The following ZBTB20 variants were observed in gnomAD, a reference collection of about 807,000 sequenced individuals.
The protein encoded by ZBTB20 is zinc finger and BTB domain-containing protein 20.
A neutral mutation model predicts 56.9 loss-of-function variants in ZBTB20; 9 were observed. The ratio of observed to expected loss-of-function variants is 0.16; its 90% CI spans 0.10 to 0.28. The LOEUF (loss-of-function observed/expected upper bound fraction) is 0.28. Among genes scored for constraint, ZBTB20 ranks in the 10% least tolerant of loss-of-function variants. ZBTB20 has a pLI of 1.00. For missense variants in ZBTB20, 655 were observed against 1,003.0 expected (o/e 0.65, Z 4.69); for synonymous variants, 417 against 420.7 (o/e 0.99, Z 0.11).
At chr3:114,975,388 A>G (rs1576466632) in intron 2 of ZBTB20, among the ~76,000 whole-genome samples, 1 of 152,298 alleles carries the variant, frequency 6.6e-6, no homozygotes, top group East Asian at 1.9e-4. Flanking sequence ...ATACCTAAAC[A>G]TATGCTTGAT....
intron 2 of ZBTB20, among the ~76,000 whole-genome samples, chr3:114,982,634 G>T (rs919413172): frequency 2.6e-5 from 4 of 151,962 alleles, no homozygotes; most frequent in African/African-American, 9.7e-5. Flanking sequence ...AAACAGGCAG[G>T]TACCAGTGAG....
chr3:114,405,883 C>G (rs1262540038), intron 7 of ZBTB20, among the ~76,000 whole-genome samples: 2 of 151,970 alleles, frequency 1.3e-5, no homozygotes, highest in African/African-American at 4.8e-5. Flanking sequence ...TACAAAGGGA[C>G]AACTTTTCAC....
At chr3:114,438,427 A>G (rs1334588830) in intron 7 of ZBTB20, among the ~76,000 whole-genome samples, 1 of 105,008 alleles carries the variant, frequency 9.5e-6, no homozygotes, top group Non-Finnish European at 2.0e-5. Context: ...AAAAAAAAAC[A>G]AAAAAAACCA....
At chr3:115,130,519 T>C (rs1262506891) in intron 1 of ZBTB20, among the ~76,000 whole-genome samples, 4 of 152,230 alleles carry the variant, frequency 2.6e-5, no homozygotes, top group African/African-American at 7.2e-5. Flanking sequence ...GCATGACCAA[T>C]AGAGTCTGAT....
At chr3:114,576,502 A>C (rs13082543) in intron 6 of ZBTB20, among the ~76,000 whole-genome samples, 1 of 30,668 alleles carries the variant, frequency 3.3e-5, no homozygotes, top group African/African-American at 1.5e-4. Context: ...ACTCCGTCTC[A>C]AAAAAAAAAA....
intron 4 of ZBTB20, among the ~76,000 whole-genome samples, chr3:114,851,004 G>T (rs962955906): frequency 6.6e-6 from 1 of 152,090 alleles, no homozygotes; most frequent in African/African-American, 2.4e-5. Context: ...AAAGAACCAA[G>T]CCCAGAAACC....
intron 2 of ZBTB20, among the ~76,000 whole-genome samples, chr3:115,010,613 A>T (rs551642260): frequency 6.6e-6 from 1 of 151,958 alleles, no homozygotes; most frequent in East Asian, 1.9e-4. Context: ...CCTAAAGTAG[A>T]TATTTCTTAG....
At chr3:115,125,051 G>T (rs1409433977) in intron 1 of ZBTB20, among the ~76,000 whole-genome samples, 2 of 151,616 alleles carry the variant, frequency 1.3e-5, no homozygotes, top group Non-Finnish European at 2.9e-5. Context: ...AAAGGAAAAT[G>T]TGATATACAG....
At chr3:114,365,400 G>A (rs2082292920) in intron 10 of ZBTB20, among the ~76,000 whole-genome samples, 1 of 152,192 alleles carries the variant, frequency 6.6e-6, no homozygotes, top group African/African-American at 2.4e-5. Context: ...CTTCCAGCAG[G>A]AGGGCACTAA....
chr3:115,143,463 T>G (rs2084877156), intron 1 of ZBTB20, among the ~76,000 whole-genome samples: 1 of 151,938 alleles, frequency 6.6e-6, no homozygotes, highest in South Asian at 2.1e-4. Context: ...AGCCCAGGAG[T>G]TAAAGTACAG....
chr3:114,661,127 T>C (rs1026081029), intron 6 of ZBTB20, among the ~76,000 whole-genome samples: 1 of 152,068 alleles, frequency 6.6e-6, no homozygotes, highest in Non-Finnish European at 1.5e-5. Context: ...GTACTCAGGG[T>C]CCTAAGAAAA....
intron 3 of ZBTB20, among the ~76,000 whole-genome samples, chr3:114,907,176 T>C (rs1299183554): frequency 6.7e-6 from 1 of 149,790 alleles, no homozygotes; most frequent in Non-Finnish European, 1.5e-5. Context: ...AAGGCAAATG[T>C]GTTCTTGCTC....
chr3:114,543,249 T>A (rs2049327723), intron 6 of ZBTB20, among the ~76,000 whole-genome samples: 1 of 152,078 alleles, frequency 6.6e-6, no homozygotes, highest in African/African-American at 2.4e-5. Flanking sequence ...TTTTTTTTGG[T>A]ATATTGTTAT....
intron 6 of ZBTB20, among the ~76,000 whole-genome samples, chr3:114,614,522 T>C (rs1037817743): frequency 1.3e-5 from 2 of 152,186 alleles, no homozygotes; most frequent in Admixed American, 6.5e-5. Context: ...AGTTACCTTA[T>C]GAAGAATGAA....
intron 7 of ZBTB20, among the ~76,000 whole-genome samples, chr3:114,400,580 T>G (rs1393620039): frequency 6.6e-6 from 1 of 152,174 alleles, no homozygotes; most frequent in Non-Finnish European, 1.5e-5. Flanking sequence ...GGAAAGTTAC[T>G]TGAGTGGGTG....
At chr3:114,720,374 C>T (rs934000725) in intron 5 of ZBTB20, among the ~76,000 whole-genome samples, 3 of 151,716 alleles carry the variant, frequency 2.0e-5, no homozygotes, top group Non-Finnish European at 4.4e-5. Flanking sequence ...CTGACAACCA[C>T]AAAAAGTAAA....
intron 10 of ZBTB20, among the ~76,000 whole-genome samples, chr3:114,364,832 C>T (rs781409118): frequency 3.9e-5 from 6 of 152,186 alleles, no homozygotes; most frequent in Non-Finnish European, 7.3e-5. Context: ...CCCAAAGATA[C>T]ATATCGGCAG....
intron 6 of ZBTB20, among the ~76,000 whole-genome samples, chr3:114,648,377 CTAAG>C (rs1051700341): frequency 1.3e-5 from 2 of 151,782 alleles, no homozygotes; most frequent in African/African-American, 4.8e-5. Flanking sequence ...ATTTAATGAG[CTAAG>C]TGTCACCAGA....
At chr3:114,546,201 G>A (rs2049859111) in intron 6 of ZBTB20, among the ~76,000 whole-genome samples, 1 of 152,208 alleles carries the variant, frequency 6.6e-6, no homozygotes. Context: ...AGCGGATAGA[G>A]TCACACTTGT....
Sources: gnomAD v4.1 joint callset for allele counts (sites outside exome capture counted in the v4.1 genomes callset) on GRCh38, gnomAD v4.1.1 for gene constraint, MANE v1.5 for transcripts, NCBI Gene and HGNC (gene_info 2026-07-23, HGNC 2026-07-21) for gene names.